Variants in ACSF2 observed in about 807,000 individuals in gnomAD.
ACSF2 encodes the protein medium-chain acyl-CoA ligase ACSF2, mitochondrial.
Under a neutral mutation model 79.3 loss-of-function variants are expected in ACSF2, and 52 were observed. The ratio of observed to expected loss-of-function variants is 0.66; its 90% CI spans 0.53 to 0.83. ACSF2 has a LOEUF of 0.83. Ranked by LOEUF, ACSF2 falls within the 40% of genes least tolerant of loss-of-function variation. The pLI is 0.00. For synonymous variants in ACSF2, 283 were observed against 312.6 expected (o/e 0.91, Z 1.00); for missense variants, 661 against 803.3 (o/e 0.82, Z 2.14).
chr17:50,427,027 G>A (rs1915058571), intron 1 of ACSF2: 1 of 1,523,226 alleles, frequency 6.6e-7, no homozygotes, highest in Non-Finnish European at 8.8e-7. Flanking sequence ...GGAGGACCCC[G>A]TGAGATGGCA....
At chr17:50,430,083 CAGAG>C (rs1294207076) in intron 1 of ACSF2, among the ~76,000 whole-genome samples, 1 of 152,166 alleles carries the variant, frequency 6.6e-6, no homozygotes, top group African/African-American at 2.4e-5. Flanking sequence ...GCTGGGAAGG[CAGAG>C]AGATCAGTGG....
chr17:50,433,899 AC>A, intron 1 of ACSF2, among the ~76,000 whole-genome samples: 2 of 152,088 alleles, frequency 1.3e-5, no homozygotes, highest in South Asian at 4.2e-4. Flanking sequence ...TGCTGGGATT[AC>A]AGGTGTGACC....
intron 10 of ACSF2, 93 bp from the exon 11 acceptor site, chr17:50,470,935 C>A: frequency 1.0e-6 from 1 of 969,256 alleles, no homozygotes; most frequent in Non-Finnish European, 1.6e-6. Flanking sequence ...TTTCCCTTTT[C>A]TTTTATGAAT....
chr17:50,426,765 G>A, intron 1 of ACSF2: 1 of 909,098 alleles, frequency 1.1e-6, no homozygotes, highest in South Asian at 1.6e-5. Flanking sequence ...ACCCCTTCAT[G>A]GGCAAACTTG....
chr17:50,458,716 A>AAT (rs2032161901), intron 1 of ACSF2, among the ~76,000 whole-genome samples: 1 of 152,096 alleles, frequency 6.6e-6, no homozygotes, highest in Non-Finnish European at 1.5e-5. Context: ...GTGTTTCCTA[A>AAT]ATATTTGTTG....
Position 50,474,148 on chromosome 17 carries a change from CCT to C in ACSF2, c.1729-50_1729-49del, listed in dbSNP as rs780080264. 7 of 1,609,754 alleles carry C rather than the reference CCT, an allele frequency of 4.3e-6. No homozygotes were observed. Among genetic ancestry groups the C allele is most frequent in the South Asian group, 1.1e-5 (1 of 90,990 alleles). On this transcript the variant is annotated intron_variant, in intron 14 of 15. Transcript: ENST00000300441. This position sits in a 1 kb window ranked among gnomAD's most constrained non-coding sequence, Gnocchi z 4.2. ...CAGCCCCTGGTCCCCTACCCATACC[CCT>C]GTGAGCTTGCGCAGCCTCACGCCTT...
chr17:50,462,254 T>C lies in ACSF2; in HGVS notation c.578T>C (p.Ile193Thr), dbSNP rs747647647. The C allele has an allele frequency of 1.7e-5, 28 of 1,614,068 alleles. No individual in the cohort carries two copies. The South Asian group carries it at 3.0e-4, about 17-fold the overall frequency. The change falls in exon 5 of 16, where the codon ATC (isoleucine) becomes ACC (threonine). Residue 193 changes from isoleucine (I) to threonine (T), a missense_variant. Transcript: ENST00000300441. Reference sequence around the variant, plus strand: ...CAATACTACAACGTCCTGAAGCAGATCTGTCCAGAAGTGGAGAATGCCCAG... The same window carrying C: ...CAATACTACAACGTCCTGAAGCAGACCTGTCCAGAAGTGGAGAATGCCCAG... ...TQQYYNVLKQ[I>T]CPEVENAQPG...
At chr17:50,465,718 C>T in intron 10 of ACSF2, 3 of 1,613,196 alleles carry the variant, frequency 1.9e-6, no homozygotes, top group Non-Finnish European at 2.5e-6. Context: ...GCCGAAGGCC[C>T]CGGAGCTGGC....
chr17:50,470,973 C>A, intron 10 of ACSF2, 55 bp from the exon 11 acceptor site: 1 of 1,308,854 alleles, frequency 7.6e-7, no homozygotes, highest in Admixed American at 1.7e-5. Context: ...GATAGCTCAC[C>A]TGATCCCTCT....
chr17:50,461,291 A>T lies in ACSF2; in HGVS notation c.374A>T (p.Asp125Val), dbSNP rs1236611796. 6.2e-7 allele frequency: 1 copy of T among 1,614,048 alleles called. No homozygotes were observed. Among genetic ancestry groups the T allele is most frequent in the Non-Finnish European group, 8.5e-7 (1 of 1,180,030 alleles). Reference protein sequence around the residue: ...GLLSIGLCKGDRLGMWGPNSY... With the variant: ...GLLSIGLCKGVRLGMWGPNSY... Reference sequence around the variant, plus strand: ...CTGAGCATTGGCCTCTGCAAAGGTGACCGGCTGGGCATGTGGGGACCTAAC... The same window carrying T: ...CTGAGCATTGGCCTCTGCAAAGGTGTCCGGCTGGGCATGTGGGGACCTAAC... Residue 125 changes from aspartate to valine, a missense_variant, in exon 3 of 16, where the codon GAC becomes GTC. By Grantham distance (152) the Asp-to-Val change is radical (BLOSUM62 -3). Coordinates refer to ENST00000300441, the MANE Select transcript of ACSF2 (RefSeq NM_025149.6).
chr17:50,449,467 C>T (rs1262489250), intron 1 of ACSF2, among the ~76,000 whole-genome samples: 1 of 150,530 alleles, frequency 6.6e-6, no homozygotes, highest in Non-Finnish European at 1.5e-5. Flanking sequence ...TGCAGTGGCG[C>T]GATCTCGGCT....
At chr17:50,432,649 T>A (rs544492206) in intron 1 of ACSF2, among the ~76,000 whole-genome samples, 1 of 152,346 alleles carries the variant, frequency 6.6e-6, no homozygotes, top group African/African-American at 2.4e-5. Context: ...CCTCTCCCTT[T>A]AGAACTAAAC....
At chr17:50,450,954 CAG>C (rs3062975) in intron 1 of ACSF2, among the ~76,000 whole-genome samples, 36,702 of 152,052 alleles carry the variant, frequency 0.24, 4,933 homozygotes, top group Non-Finnish European at 0.31. Flanking sequence ...TTGTTTGAGA[CAG>C]AGTTTCACTC....
At chr17:50,435,550 A>G (rs1471249193) in intron 1 of ACSF2, among the ~76,000 whole-genome samples, 4 of 151,740 alleles carry the variant, frequency 2.6e-5, no homozygotes, top group Non-Finnish European at 5.9e-5. Context: ...ACGTAGGACT[A>G]TGGGTACACG....
At chr17:50,449,574 T>A (rs2031536254) in intron 1 of ACSF2, among the ~76,000 whole-genome samples, 1 of 151,206 alleles carries the variant, frequency 6.6e-6, no homozygotes, top group African/African-American at 2.4e-5. Context: ...CCGGCTAATT[T>A]TTTTTGTATT....
chr17:50,446,213 T>G (rs1598403071), intron 1 of ACSF2, among the ~76,000 whole-genome samples: 2 of 152,214 alleles, frequency 1.3e-5, no homozygotes, highest in Admixed American at 1.3e-4. Flanking sequence ...TTTAGTTTAT[T>G]AATTATGACT....
At chr17:50,433,987 C>T (rs1425649117) in intron 1 of ACSF2, among the ~76,000 whole-genome samples, 1 of 151,860 alleles carries the variant, frequency 6.6e-6, no homozygotes, top group Non-Finnish European at 1.5e-5. Flanking sequence ...ATTTTCTGTA[C>T]ATACTTACAA....
chr17:50,462,631 C>A, intron 6 of ACSF2, 46 bp downstream of exon 6: 1 of 1,593,526 alleles, frequency 6.3e-7, no homozygotes, highest in Non-Finnish European at 8.6e-7. Flanking sequence ...GACACATGCC[C>A]CCTGTCCCTG....
intron 1 of ACSF2, among the ~76,000 whole-genome samples, chr17:50,453,680 T>C (rs1350114508): frequency 6.6e-6 from 1 of 152,138 alleles, no homozygotes; most frequent in East Asian, 1.9e-4. Context: ...TTGGGAAAAT[T>C]TGAATATTGA....
Sources: gnomAD v4.1 joint callset for allele counts (sites outside exome capture counted in the v4.1 genomes callset) on GRCh38, gnomAD v4.1.1 for gene constraint, Gnocchi (gnomAD v3.1) non-coding constraint, MANE v1.5 for transcripts, NCBI Gene and HGNC (gene_info 2026-07-23, HGNC 2026-07-21) for gene names.